Variants in RAPGEF2 observed in about 807,000 individuals in gnomAD.
The protein encoded by RAPGEF2 is Rap guanine nucleotide exchange factor 2, also known as PDZ domain containing guanine nucleotide exchange factor (GEF) 1.
Under a neutral mutation model 186.7 loss-of-function variants are expected in RAPGEF2, and 54 were observed. The observed-to-expected ratio is 0.29, with a 90% CI of 0.23 to 0.36. The LOEUF (loss-of-function observed/expected upper bound fraction) is 0.36. Ranked by LOEUF, RAPGEF2 falls within the 10% of genes least tolerant of loss-of-function variation. RAPGEF2 has a pLI of 1.00. For missense variants in RAPGEF2, 1,532 were observed against 2,045.0 expected, an observed-to-expected ratio of 0.75 and a Z score of 4.84; for synonymous variants, 712 against 705.9, an observed-to-expected ratio of 1.01 and a Z score of -0.14.
At chr4:159,137,192 C>CAG (rs1741809150) in intron 1 of RAPGEF2, among the ~76,000 whole-genome samples, 1 of 152,210 alleles carries the variant, frequency 6.6e-6, no homozygotes, top group African/African-American at 2.4e-5. Flanking sequence ...ATACCATAGA[C>CAG]AGGGTGGCTT....
In RAPGEF2 at chr4:159,103,685, G is replaced by T. The variant is rs1383914959; in HGVS notation, c.-478G>T. 6.6e-6 allele frequency: 1 copy of T among 152,502 alleles called. No homozygotes were observed. 9.4% of individuals were successfully genotyped at this position (152,502 alleles called of 1,614,324 possible). On this transcript the variant is annotated 5_prime_UTR_variant, in exon 1 of 30. Transcript: ENST00000691494. ...CGGCTGCGCAAGCCCCTGAGAGGAG[G>T]GGGCGACCCTCAGCGCCGTGGGGGA...
At chr4:159,112,928 A>G (rs994319837) in intron 1 of RAPGEF2, among the ~76,000 whole-genome samples, 12 of 152,218 alleles carry the variant, frequency 7.9e-5, no homozygotes, top group Non-Finnish European at 1.5e-5. Flanking sequence ...AGTTAATATC[A>G]TTAGTAATAA....
At chr4:159,170,306 C>T (rs1030120192) in intron 1 of RAPGEF2, among the ~76,000 whole-genome samples, 1 of 151,776 alleles carries the variant, frequency 6.6e-6, no homozygotes, top group African/African-American at 2.4e-5. Flanking sequence ...TATATTAACC[C>T]CCTATCAGGT....
Position 159,229,879 on chromosome 4 carries a change from A to G in RAPGEF2, c.282-8930A>G, listed in dbSNP as rs187343157. 1.2e-4 allele frequency among the ~76,000 whole-genome samples: 19 copies of G among 152,266 alleles called. No individual in the cohort carries two copies. The East Asian group carries it at 2.3e-3, about 19-fold the overall frequency. On this transcript the variant is annotated intron_variant, in intron 4 of 29. Transcript: ENST00000691494. ...TTCATATGCTGCAAGTGGTCTTTTCAATAATCATTTACTGGTGGGCTTAAT... is the reference window on the plus strand; with the variant it reads ...TTCATATGCTGCAAGTGGTCTTTTCGATAATCATTTACTGGTGGGCTTAAT...
intron 1 of RAPGEF2, among the ~76,000 whole-genome samples, chr4:159,108,048 A>G (rs769455229): frequency 6.6e-5 from 10 of 152,224 alleles, no homozygotes; most frequent in East Asian, 3.8e-4. Context: ...GATTGGCCAC[A>G]AGCAGTTAGA....
At chr4:159,325,571 T>C (rs1306149779) in intron 11 of RAPGEF2, among the ~76,000 whole-genome samples, 1 of 151,648 alleles carries the variant, frequency 6.6e-6, no homozygotes, top group Non-Finnish European at 1.5e-5. Context: ...AGTTAGAGTG[T>C]GTGTCCTTGA....
intron 1 of RAPGEF2, among the ~76,000 whole-genome samples, chr4:159,154,177 A>G (rs1255002010): frequency 6.6e-6 from 1 of 152,212 alleles, no homozygotes; most frequent in East Asian, 1.9e-4. Flanking sequence ...AGTAAATGAT[A>G]CATTATCACC....
At chr4:159,333,132 A>T (rs1766928472) in intron 17 of RAPGEF2, among the ~76,000 whole-genome samples, 1 of 151,968 alleles carries the variant, frequency 6.6e-6, no homozygotes, top group South Asian at 2.1e-4. Context: ...GATGCCTGCC[A>T]CTGCACCCGG....
At chr4:159,298,843 ATCTGTACTTAACAC>A (rs1762323892) in intron 7 of RAPGEF2, among the ~76,000 whole-genome samples, 1 of 152,286 alleles carries the variant, frequency 6.6e-6, no homozygotes, top group African/African-American at 2.4e-5. Context: ...GTCCGTGATG[ATCTGTACTTAACAC>A]TTTAGTCATT....
At position 159,347,075 on chromosome 4, in the gene RAPGEF2, T is replaced by G; in HGVS notation, c.3712+77T>G. ...GCAAATTAGGAAAAAAATATTTGTC[T>G]TGGATAACTTTGTCTAATATATTTG... is the stretch of plus-strand genomic sequence containing the variant. On this transcript the variant is annotated intron_variant, in intron 25 of 29. Transcript: ENST00000691494. The G allele has an allele frequency of 3.1e-6, 4 of 1,301,282 alleles. No homozygotes were observed. In the East Asian group the frequency reaches 7.0e-5, roughly 23 times the overall value. The allele number at this position is 1,301,282 out of a possible 1,614,324, so 80.6% of individuals were successfully genotyped here. A position where few individuals can be genotyped will look rare whatever the true frequency, so the allele number is the denominator to read the frequency against.
At chr4:159,342,245 T>G (rs1277313465) in intron 20 of RAPGEF2, among the ~76,000 whole-genome samples, 1 of 152,180 alleles carries the variant, frequency 6.6e-6, no homozygotes, top group African/African-American at 2.4e-5. Flanking sequence ...TTTTTTAAGT[T>G]TGTTTCAACT....
At chr4:159,251,726 C>G (rs891890193) in intron 7 of RAPGEF2, among the ~76,000 whole-genome samples, 1 of 152,076 alleles carries the variant, frequency 6.6e-6, no homozygotes, top group Non-Finnish European at 1.5e-5. Context: ...ATGCACCAAT[C>G]AGCACCCTGT....
Position 159,338,364 on chromosome 4 carries a change from C to G in RAPGEF2, c.2189C>G (p.Thr730Arg). The change falls in exon 18 of 30, where the codon ACA becomes AGA. Residue 730 changes from threonine to arginine, a missense_variant. Around this residue, in one of 4 missense-constraint regions of RAPGEF2, gnomAD observed 810 missense variants for 1,210.5 expected, o/e 0.67. Transcript: ENST00000691494. ...QDDSIVGLRQ[T>R]KHIPTALPVS... ...GACAGCATAGTAGGATTAAGGCAGA[C>G]AAAGCACATCCCAACTGCATTGCCT... The G allele has an allele frequency of 6.2e-7, 1 of 1,614,118 alleles. No individual in the cohort carries two copies. Among genetic ancestry groups the G allele is most frequent in the Non-Finnish European group, 8.5e-7 (1 of 1,179,972 alleles).
rs1371910840 is a variant in RAPGEF2 at position 159,346,970 on chromosome 4, A to G, written c.3684A>G (p.Lys1228=). 2 of 1,614,132 alleles carry G rather than the reference A, an allele frequency of 1.2e-6. No individual in the cohort carries two copies. The highest frequency in any genetic ancestry group is 4.5e-5 in the East Asian group (2 of 44,882). ...PAVSLYPSRK[K]VPVKDLPPFG... Reference sequence around the variant, plus strand: ...TGTCCCTTTATCCTTCACGGAAGAAAGTGCCCGTAAAGGATCTCCCACCTT... The same window carrying G: ...TGTCCCTTTATCCTTCACGGAAGAAGGTGCCCGTAAAGGATCTCCCACCTT... The change falls in exon 25 of 30, where the codon AAA becomes AAG. Residue 1228 remains lysine, a synonymous_variant. Transcript: ENST00000691494.
intron 22 of RAPGEF2, among the ~76,000 whole-genome samples, chr4:159,343,628 A>G (rs1162559199): frequency 6.6e-6 from 1 of 152,250 alleles, no homozygotes; most frequent in Non-Finnish European, 1.5e-5. Context: ...TCTTTCAGAC[A>G]TTTTCAATGT....
intron 1 of RAPGEF2, among the ~76,000 whole-genome samples, chr4:159,137,800 A>G (rs1415682631): frequency 1.3e-5 from 2 of 152,160 alleles, no homozygotes. Context: ...TGTTTTAAAA[A>G]TTAAAAATAC....
intron 1 of RAPGEF2, among the ~76,000 whole-genome samples, chr4:159,138,920 G>C (rs1742022780): frequency 1.3e-5 from 2 of 152,112 alleles, no homozygotes; most frequent in Admixed American, 1.3e-4. Context: ...GAAATTTCTG[G>C]GGACAGTAAC....
At chr4:159,175,004 T>A (rs1171973723) in intron 1 of RAPGEF2, among the ~76,000 whole-genome samples, 1 of 152,168 alleles carries the variant, frequency 6.6e-6, no homozygotes, top group Admixed American at 6.5e-5. Flanking sequence ...AAGCCATTTG[T>A]GGGGATTACA....
chr4:159,339,031 C>CT, intron 18 of RAPGEF2, 83 bp from the exon 19 acceptor site: 1 of 1,493,498 alleles, frequency 6.7e-7, no homozygotes, highest in South Asian at 1.4e-5. Context: ...TCTTAAGGAG[C>CT]TTTTTTCTGA....
Sources: gnomAD v4.1 joint callset for allele counts (sites outside exome capture counted in the v4.1 genomes callset) on GRCh38, gnomAD v4.1.1 for gene constraint, gnomAD v4.1.1 regional missense constraint, MANE v1.5 for transcripts, NCBI Gene and HGNC (gene_info 2026-07-23, HGNC 2026-07-21) for gene names.